CENPW: variants seen among roughly 807,000 people sequenced by gnomAD.
CENPW encodes centromere protein W, also known as cancer-up-regulated gene 2 protein.
In CENPW, 3 loss-of-function variants were observed where a neutral mutation model predicts 11.1. That is an observed-to-expected ratio of 0.27 (90% CI 0.12 to 0.70). CENPW has a LOEUF of 0.70. CENPW is among the 30% of genes least tolerant of loss of function. The pLI is 0.77. For synonymous variants in CENPW, 38 were observed against 42.0 expected (o/e 0.91, Z 0.37); for missense variants, 100 against 105.6 (o/e 0.95, Z 0.23).
At chr6:126,358,957 C>A in the CENPW span, among the ~76,000 whole-genome samples, 1 of 151,484 alleles carries the variant, frequency 6.6e-6, no homozygotes, top group Non-Finnish European at 1.5e-5. Context: ...CTTCTGCTTG[C>A]TTTGGGGTTG....
In CENPW at chr6:126,348,583, GATT is replaced by G. The variant is rs879101073; in HGVS notation, c.*96_*98del. 3.3e-5 allele frequency: 25 copies of G among 768,914 alleles called. No homozygotes were observed. Among genetic ancestry groups the G allele is most frequent in the East Asian group, 2.3e-4 (9 of 38,474 alleles). The allele number at this position is 768,914 out of a possible 1,614,324, so 47.6% of individuals were successfully genotyped here. A position where few individuals can be genotyped will look rare whatever the true frequency, so the allele number is the denominator to read the frequency against. On this transcript the variant is annotated 3_prime_UTR_variant, in exon 3 of 3. Coordinates refer to ENST00000368328, the MANE Select transcript of CENPW (RefSeq NM_001012507.4). ...ATTTTTTACACATCAGTTAATATGG[GATT>G]ATTAAATATTGGCTATAAGTGATGT...
chr6:126,384,411 A>G, the CENPW span, among the ~76,000 whole-genome samples: 1 of 152,178 alleles, frequency 6.6e-6, no homozygotes, highest in Admixed American at 6.6e-5. Context: ...GCATCATGGT[A>G]CTATTACAAA....
the CENPW span, among the ~76,000 whole-genome samples, chr6:126,398,061 T>G: frequency 6.6e-6 from 1 of 152,174 alleles, no homozygotes; most frequent in Non-Finnish European, 1.5e-5. Flanking sequence ...TGCATTCCAG[T>G]TTTTCTCAGA....
At chr6:126,401,085 T>C in the CENPW span, among the ~76,000 whole-genome samples, 1 of 152,076 alleles carries the variant, frequency 6.6e-6, no homozygotes, top group African/African-American at 2.4e-5. Flanking sequence ...TTCCTCTTAC[T>C]TTTTTTGTCC....
chr6:126,430,638 G>A, the CENPW span, among the ~76,000 whole-genome samples: 10 of 152,154 alleles, frequency 6.6e-5, no homozygotes, highest in East Asian at 3.9e-4. Flanking sequence ...AGGAAAGGTC[G>A]GTTGTTATCT....
the CENPW span, among the ~76,000 whole-genome samples, chr6:126,361,052 C>G: frequency 6.6e-6 from 1 of 152,134 alleles, no homozygotes; most frequent in Non-Finnish European, 1.5e-5. Flanking sequence ...CTAGTATTCT[C>G]TTAACTGTGG....
At chr6:126,347,809 T>A (rs1780437358) in intron 2 of CENPW, among the ~76,000 whole-genome samples, 1 of 151,988 alleles carries the variant, frequency 6.6e-6, no homozygotes, top group African/African-American at 2.4e-5. Flanking sequence ...AAATAGTAGA[T>A]AAGTTTTTTT....
At chr6:126,359,321 T>C in the CENPW span, among the ~76,000 whole-genome samples, 1 of 152,172 alleles carries the variant, frequency 6.6e-6, no homozygotes, top group East Asian at 1.9e-4. Flanking sequence ...TTTTAATTTA[T>C]TGAGACTTTC....
chr6:126,381,818 G>A, the CENPW span, among the ~76,000 whole-genome samples: 1 of 152,168 alleles, frequency 6.6e-6, no homozygotes, highest in Admixed American at 6.5e-5. Flanking sequence ...CGAGGAGTCA[G>A]AGCACAAAAC....
At chr6:126,429,637 C>T in the CENPW span, among the ~76,000 whole-genome samples, 2 of 152,188 alleles carry the variant, frequency 1.3e-5, no homozygotes, top group Non-Finnish European at 2.9e-5. Flanking sequence ...CCCATTAAAA[C>T]TCTTTTCTTT....
the CENPW span, among the ~76,000 whole-genome samples, chr6:126,382,741 A>G: frequency 2.0e-5 from 3 of 152,190 alleles, no homozygotes; most frequent in African/African-American, 4.8e-5. Flanking sequence ...AAGAATAAAA[A>G]AAATTAAAAT....
At chr6:126,437,341 A>G in the CENPW span, among the ~76,000 whole-genome samples, 2 of 151,956 alleles carry the variant, frequency 1.3e-5, no homozygotes, top group Admixed American at 6.6e-5. Context: ...ACAATCAGAT[A>G]TATCTGTATC....
the CENPW span, among the ~76,000 whole-genome samples, chr6:126,426,359 G>T: frequency 6.6e-6 from 1 of 152,000 alleles, no homozygotes. Flanking sequence ...CTTGATTTCA[G>T]GCCTTTAAAA....
chr6:126,445,379 A>C, the CENPW span, among the ~76,000 whole-genome samples: 1 of 151,236 alleles, frequency 6.6e-6, no homozygotes, highest in African/African-American at 2.4e-5. Flanking sequence ...AGGTTTGGAA[A>C]GATTAAAATA....
chr6:126,439,509 G>C, the CENPW span, among the ~76,000 whole-genome samples: 9 of 151,508 alleles, frequency 5.9e-5, no homozygotes, highest in Non-Finnish European at 1.3e-4. Context: ...GACTTCTCAG[G>C]GAAAGAGGAG....
the CENPW span, among the ~76,000 whole-genome samples, chr6:126,374,173 TAAG>T: frequency 6.6e-6 from 1 of 152,154 alleles, no homozygotes; most frequent in East Asian, 1.9e-4. Flanking sequence ...ACTGCATCAA[TAAG>T]AACTCTAATA....
At chr6:126,473,784 G>A in the CENPW span, among the ~76,000 whole-genome samples, 1 of 143,712 alleles carries the variant, frequency 7.0e-6, no homozygotes, top group South Asian at 2.1e-4. Context: ...GCACAGCATA[G>A]ATATATAGAA....
At chr6:126,439,747 T>A in the CENPW span, among the ~76,000 whole-genome samples, 1 of 151,574 alleles carries the variant, frequency 6.6e-6, no homozygotes, top group East Asian at 1.9e-4. Context: ...TTCTAACCAC[T>A]CTCTCTAGGC....
chr6:126,405,494 A>G, the CENPW span, among the ~76,000 whole-genome samples: 2 of 151,836 alleles, frequency 1.3e-5, no homozygotes, highest in African/African-American at 2.4e-5. Flanking sequence ...GAGGCCTTTT[A>G]TACTTCCATA....
Sources: allele counts gnomAD v4.1 joint callset (sites outside exome capture counted in the v4.1 genomes callset), GRCh38; gene constraint gnomAD v4.1.1; transcripts MANE v1.5; gene names NCBI Gene and HGNC (gene_info 2026-07-23, HGNC 2026-07-21).